Variants in MFHAS1 observed in about 807,000 individuals in gnomAD.
The protein encoded by MFHAS1 is multifunctional ROCO family signaling regulator 1, also known as malignant fibrous histiocytoma-amplified sequence 1.
A neutral mutation model predicts 70.4 loss-of-function variants in MFHAS1; 50 were observed. The observed-to-expected ratio is 0.71, with a 90% CI of 0.57 to 0.90. MFHAS1 has a LOEUF of 0.90. MFHAS1 is among the 40% of genes least tolerant of loss of function. The pLI, the probability that MFHAS1 is intolerant of heterozygous loss-of-function variation, is 0.00. For synonymous variants in MFHAS1, 952 were observed against 620.0 expected (o/e 1.54, Z -7.96); for missense variants, 1,795 against 1,347.6 (o/e 1.33, Z -5.20).
At chr8:8,844,506 C>A (rs148103198) in intron 1 of MFHAS1, among the ~76,000 whole-genome samples, 1 of 152,326 alleles carries the variant, frequency 6.6e-6, no homozygotes, top group East Asian at 1.9e-4. Flanking sequence ...CTTGCACCAG[C>A]TTCTTATCTG....
chr8:8,830,770 G>A (rs1807356320), intron 1 of MFHAS1, among the ~76,000 whole-genome samples: 1 of 152,080 alleles, frequency 6.6e-6, no homozygotes, highest in Non-Finnish European at 1.5e-5. Flanking sequence ...GCTAATTTTT[G>A]TATTTTTAGT....
At chr8:8,883,826 T>C (rs1292388418) in intron 1 of MFHAS1, among the ~76,000 whole-genome samples, 2 of 150,352 alleles carry the variant, frequency 1.3e-5, no homozygotes, top group Admixed American at 6.6e-5. Flanking sequence ...TCCCCTCCTA[T>C]AATACAGAGT....
In MFHAS1 at chr8:8,785,647, CTGAAATCTGAG is replaced by C. The variant is rs1224873933; in HGVS notation, c.*364_*374del. The C allele has an allele frequency of 4.9e-6, 1 of 202,540 alleles. No individual in the cohort carries two copies. Among genetic ancestry groups the C allele is most frequent in the Non-Finnish European group, 1.0e-5 (1 of 99,454 alleles). 12.5% of individuals were successfully genotyped at this position (202,540 alleles called of 1,614,324 possible). A position where few individuals can be genotyped will look rare whatever the true frequency, so the allele number is the denominator to read the frequency against. ...GATCCCTCTTTCACATTTAACAGAACTGAAATCTGAGTGCTCTAAATACTGCCACCTGTACT... is the reference window on the plus strand; with the variant it reads ...GATCCCTCTTTCACATTTAACAGAACTGCTCTAAATACTGCCACCTGTACT... On this transcript the variant is annotated 3_prime_UTR_variant, in exon 3 of 3. Transcript: ENST00000276282.
chr8:8,810,772 G>T (rs1028887537), intron 1 of MFHAS1, among the ~76,000 whole-genome samples: 2 of 152,196 alleles, frequency 1.3e-5, no homozygotes, highest in Admixed American at 6.5e-5. Flanking sequence ...GATTCCATGG[G>T]AGGGGGCTGG....
chr8:8,857,249 A>T, intron 1 of MFHAS1, among the ~76,000 whole-genome samples: 1 of 152,208 alleles, frequency 6.6e-6, no homozygotes, highest in East Asian at 1.9e-4. Flanking sequence ...TTGTTTAGTT[A>T]CTAAACTGCC....
At chr8:8,855,493 A>G (rs13268671) in intron 1 of MFHAS1, among the ~76,000 whole-genome samples, 47,568 of 152,218 alleles carry the variant, frequency 0.31, 8,272 homozygotes, top group Non-Finnish European at 0.41. Context: ...AATGAAAATG[A>G]ACGTTATAGA....
intron 2 of MFHAS1, among the ~76,000 whole-genome samples, chr8:8,795,735 C>T (rs1183944782): frequency 6.6e-6 from 1 of 152,150 alleles, no homozygotes; most frequent in Non-Finnish European, 1.5e-5. Context: ...AGGGAAGCTG[C>T]CATGTGAGGG....
intron 1 of MFHAS1, chr8:8,821,838 T>C (rs1389218129): frequency 6.6e-6 from 1 of 152,238 alleles, no homozygotes; most frequent in Non-Finnish European, 1.5e-5. Context: ...CATGTGGACA[T>C]CTGAGGAAAT....
intron 1 of MFHAS1, among the ~76,000 whole-genome samples, chr8:8,802,481 T>C (rs1195081888): frequency 1.3e-5 from 2 of 152,220 alleles, no homozygotes; most frequent in African/African-American, 4.8e-5. Flanking sequence ...TGTGAGGACA[T>C]GGCGAGAAGA....
intron 1 of MFHAS1, among the ~76,000 whole-genome samples, chr8:8,871,229 T>A (rs891547892): frequency 6.6e-6 from 1 of 152,170 alleles, no homozygotes; most frequent in African/African-American, 2.4e-5. Flanking sequence ...TCAGAGCTAA[T>A]GTTTACTGAG....
At chr8:8,845,900 T>C (rs1808013554) in intron 1 of MFHAS1, among the ~76,000 whole-genome samples, 1 of 152,064 alleles carries the variant, frequency 6.6e-6, no homozygotes, top group African/African-American at 2.4e-5. Flanking sequence ...CTTTACCTCT[T>C]TCTCTCAAAA....
chr8:8,884,572 C>T (rs751534989), intron 1 of MFHAS1, among the ~76,000 whole-genome samples: 2 of 152,112 alleles, frequency 1.3e-5, no homozygotes, highest in African/African-American at 4.8e-5. Flanking sequence ...GCTGGAGGAA[C>T]ACTGTGAGGG....
chr8:8,809,037 A>G (rs959019082), intron 1 of MFHAS1, among the ~76,000 whole-genome samples: 1 of 152,122 alleles, frequency 6.6e-6, no homozygotes, highest in Non-Finnish European at 1.5e-5. Flanking sequence ...AGATTCTCAT[A>G]AGAGTGGGCA....
intron 1 of MFHAS1, among the ~76,000 whole-genome samples, chr8:8,801,896 G>A (rs1328860364): frequency 2.0e-5 from 3 of 152,270 alleles, no homozygotes; most frequent in Middle Eastern, 3.4e-3. Context: ...GAGAAGGAGA[G>A]ATTCATACTG....
In MFHAS1 at chr8:8,893,566, C is replaced by T. The variant is rs1460614772; in HGVS notation, c.-508G>A. 6.8e-6 allele frequency: 1 copy of T among 146,650 alleles called. No individual in the cohort carries two copies. The highest frequency in any genetic ancestry group is 1.5e-5 in the Non-Finnish European group (1 of 65,806). 9.1% of individuals were successfully genotyped at this position (146,650 alleles called of 1,614,324 possible). On this transcript the variant is annotated 5_prime_UTR_variant, in exon 1 of 3. Coordinates refer to ENST00000276282, the MANE Select transcript of MFHAS1 (RefSeq NM_004225.3). ...GCGGCGCCTCCTTGTCTCCGTTTCC[C>T]CGGGCTCGGGCGGGAGCGCGGGCGC...
intron 1 of MFHAS1, among the ~76,000 whole-genome samples, chr8:8,841,583 C>A (rs1324480878): frequency 3.3e-5 from 5 of 152,174 alleles, no homozygotes; most frequent in African/African-American, 1.2e-4. Context: ...TGTGAGCTGA[C>A]AATCACTCGG....
chr8:8,849,005 T>TAGCAGGGTAA (rs1563202772), intron 1 of MFHAS1, among the ~76,000 whole-genome samples: 2 of 150,202 alleles, frequency 1.3e-5, no homozygotes, highest in African/African-American at 4.9e-5. Context: ...TTCCTCCCAC[T>TAGCAGGGTAA]AGCAGGGTAA....
intron 1 of MFHAS1, among the ~76,000 whole-genome samples, chr8:8,856,267 G>A (rs932728420): frequency 2.6e-5 from 4 of 152,228 alleles, no homozygotes; most frequent in Admixed American, 2.6e-4. Flanking sequence ...AGCCAGGACA[G>A]TGCTGGAGAG....
intron 1 of MFHAS1, among the ~76,000 whole-genome samples, chr8:8,800,420 T>C (rs17154766): frequency 0.016 from 2,442 of 152,310 alleles, 143 homozygotes; most frequent in Admixed American, 0.093. Flanking sequence ...AGTAACAGCA[T>C]GTTCGAGCTA....
Sources: gnomAD v4.1 joint callset for allele counts (sites outside exome capture counted in the v4.1 genomes callset) on GRCh38, gnomAD v4.1.1 for gene constraint, MANE v1.5 for transcripts, NCBI Gene and HGNC (gene_info 2026-07-23, HGNC 2026-07-21) for gene names.